TRHDE: variants seen among roughly 807,000 people sequenced by gnomAD.
TRHDE encodes the protein thyrotropin releasing hormone degrading enzyme.
A neutral mutation model predicts 125.7 loss-of-function variants in TRHDE; 72 were observed. The ratio of observed to expected loss-of-function variants is 0.57; its 90% CI spans 0.47 to 0.70. TRHDE has a LOEUF of 0.70. Ranked by LOEUF, TRHDE falls within the 30% of genes least tolerant of loss-of-function variation. The pLI, the probability that TRHDE is intolerant of heterozygous loss-of-function variation, is 0.00. For synonymous variants in TRHDE, 509 were observed against 509.1 expected (o/e 1.00, Z 0.00); for missense variants, 1,110 against 1,327.1 (o/e 0.84, Z 2.54).
At chr12:72,548,508 T>C (rs963918963) in intron 7 of TRHDE, among the ~76,000 whole-genome samples, 4 of 151,820 alleles carry the variant, frequency 2.6e-5, no homozygotes, top group African/African-American at 9.7e-5. Context: ...GTTTTTATAA[T>C]CTAAGTTCAA....
chr12:72,133,006 G>T lies in TRHDE; in HGVS notation n.279+27254G>T, dbSNP rs924658943. On this transcript the variant is annotated intron_variant and non_coding_transcript_variant, in intron 2 of 4. Coordinates refer to the TRHDE transcript ENST00000548156. Reference sequence around the variant, plus strand: ...ACCTCCATGTGGCCAGAGCAGAGAGGACATGGTGGAGGCAGGGGAAGTGGT... The same window carrying T: ...ACCTCCATGTGGCCAGAGCAGAGAGTACATGGTGGAGGCAGGGGAAGTGGT... Among the ~76,000 whole-genome samples the T allele has an allele frequency of 2.0e-4, 30 of 152,306 alleles. 1 individual carries two copies. The highest frequency in any genetic ancestry group is 3.4e-3 in the Middle Eastern group (1 of 294).
chr12:72,097,312 A>G (rs1183305300), intron 1 of TRHDE, among the ~76,000 whole-genome samples: 4 of 152,160 alleles, frequency 2.6e-5, no homozygotes, highest in Non-Finnish European at 4.4e-5. Context: ...GAGAAAGAGC[A>G]CTGGTCTAGA....
chr12:72,266,003 T>G (rs10879389), intron 2 of TRHDE, among the ~76,000 whole-genome samples: 1 of 151,830 alleles, frequency 6.6e-6, no homozygotes, highest in East Asian at 1.9e-4. Flanking sequence ...TCACTTGTTA[T>G]TCAGATTCAA....
At chr12:72,609,037 GCA>G (rs1872548517) in intron 12 of TRHDE, among the ~76,000 whole-genome samples, 3 of 152,172 alleles carry the variant, frequency 2.0e-5, no homozygotes, top group African/African-American at 7.2e-5. Flanking sequence ...CAAAGCATTA[GCA>G]CAGGGACTGA....
At chr12:72,412,325 A>G (rs1873547909) in intron 3 of TRHDE, among the ~76,000 whole-genome samples, 1 of 152,204 alleles carries the variant, frequency 6.6e-6, no homozygotes, top group African/African-American at 2.4e-5. Context: ...TGTGTATATA[A>G]AAAGATAACC....
intron 6 of TRHDE, among the ~76,000 whole-genome samples, chr12:72,534,830 T>A (rs1255226844): frequency 6.6e-6 from 1 of 151,658 alleles, no homozygotes; most frequent in Non-Finnish European, 1.5e-5. Flanking sequence ...TCACAAAGGA[T>A]TAACATTGCA....
intron 2 of TRHDE, among the ~76,000 whole-genome samples, chr12:72,220,257 A>G (rs1877976213): frequency 6.6e-6 from 1 of 152,066 alleles, no homozygotes; most frequent in African/African-American, 2.4e-5. Context: ...GAAAGTTGTT[A>G]TCCAATTATT....
rs1878396420 is a variant in TRHDE at position 72,238,323 on chromosome 12, C to CATATATATATACACATTATATATATAT, written n.279+132583_279+132609dup. ...ATATATATATATATATATATATATA[C>CATATATATATACACATTATATATATAT]ATATATATATACACATTATATATAT... On this transcript the variant is annotated intron_variant and non_coding_transcript_variant, in intron 2 of 4. Coordinates refer to the TRHDE transcript ENST00000548156. Among the ~76,000 whole-genome samples the CATATATATATACACATTATATATATAT allele has an allele frequency of 3.7e-4, 5 of 13,666 alleles. No homozygotes were observed. The East Asian group carries it at 8.5e-3, about 23-fold the overall frequency. The allele number at this position is 13,666 out of a possible 152,430, so 9.0% of individuals were successfully genotyped here. A position where few individuals can be genotyped will look rare whatever the true frequency, so the allele number is the denominator to read the frequency against.
chr12:72,368,888 C>T (rs1175719348), intron 2 of TRHDE, among the ~76,000 whole-genome samples: 2 of 152,038 alleles, frequency 1.3e-5, no homozygotes, highest in African/African-American at 4.8e-5. Flanking sequence ...GCTGTGTTTC[C>T]TACCCTTGTG....
intron 2 of TRHDE, among the ~76,000 whole-genome samples, chr12:72,152,908 C>T (rs1375521803): frequency 1.3e-5 from 2 of 152,170 alleles, no homozygotes; most frequent in South Asian, 2.1e-4. Context: ...GTGCTGGCCT[C>T]ATAAAATGAG....
At chr12:72,540,481 A>T (rs1035113324) in intron 6 of TRHDE, among the ~76,000 whole-genome samples, 89 of 151,840 alleles carry the variant, frequency 5.9e-4, no homozygotes, top group African/African-American at 2.0e-3. Flanking sequence ...ACAAGAGACC[A>T]AGTCATCATT....
chr12:72,660,110 G>A (rs980624495), intron 18 of TRHDE, among the ~76,000 whole-genome samples: 1 of 152,268 alleles, frequency 6.6e-6, no homozygotes, highest in South Asian at 2.1e-4. Flanking sequence ...GGGACAGGGG[G>A]CCCTTCCCTT....
intron 15 of TRHDE, among the ~76,000 whole-genome samples, chr12:72,637,524 GT>G (rs1319508744): frequency 2.0e-5 from 3 of 151,912 alleles, no homozygotes; most frequent in Non-Finnish European, 4.4e-5. Context: ...TCTGATTTTA[GT>G]TATTTCTTGC....
intron 6 of TRHDE, among the ~76,000 whole-genome samples, chr12:72,510,437 T>A (rs937156892): frequency 6.6e-6 from 1 of 152,196 alleles, no homozygotes; most frequent in African/African-American, 2.4e-5. Context: ...GACATCCACT[T>A]ATTTAATCTC....
At chr12:72,479,835 C>T (rs1041091878) in intron 5 of TRHDE, among the ~76,000 whole-genome samples, 7 of 147,306 alleles carry the variant, frequency 4.8e-5, no homozygotes, top group African/African-American at 1.8e-4. Context: ...ACAACAGTCC[C>T]CAGAGTGTGA....
intron 2 of TRHDE, chr12:72,186,258 A>G: frequency 5.9e-6 from 1 of 169,364 alleles, no homozygotes; most frequent in Non-Finnish European, 1.2e-5. Context: ...GCCCACCGGG[A>G]GGAACGCACA....
At chr12:72,582,957 T>G (rs1189965693) in intron 12 of TRHDE, among the ~76,000 whole-genome samples, 1 of 152,252 alleles carries the variant, frequency 6.6e-6, no homozygotes, top group Non-Finnish European at 1.5e-5. Flanking sequence ...ATAAACATTT[T>G]TCTTTTAGTT....
At chr12:72,617,373 G>A (rs1452033699) in intron 12 of TRHDE, among the ~76,000 whole-genome samples, 1 of 152,048 alleles carries the variant, frequency 6.6e-6, no homozygotes, top group Non-Finnish European at 1.5e-5. Flanking sequence ...ATAAGCACAG[G>A]TATAAACTAA....
intron 10 of TRHDE, among the ~76,000 whole-genome samples, chr12:72,571,572 A>C (rs1870733745): frequency 1.3e-5 from 2 of 152,216 alleles, no homozygotes; most frequent in Admixed American, 1.3e-4. Context: ...TTTAGAAAAC[A>C]GGTTGAAGTG....
Sources: allele counts gnomAD v4.1 joint callset (sites outside exome capture counted in the v4.1 genomes callset), GRCh38; gene constraint gnomAD v4.1.1; transcripts MANE v1.5; gene names NCBI Gene and HGNC (gene_info 2026-07-23, HGNC 2026-07-21).